REEP3: variants seen among roughly 807,000 people sequenced by gnomAD.
The protein encoded by REEP3 is receptor expression-enhancing protein 3.
REEP3 carries 20 observed loss-of-function variants against 41.3 expected under a neutral mutation model. The observed-to-expected ratio is 0.48, with a 90% CI of 0.34 to 0.70. The LOEUF is 0.70. Ranked by LOEUF, REEP3 falls within the 30% of genes least tolerant of loss-of-function variation. REEP3 has a pLI of 0.01. For missense variants in REEP3, 271 were observed against 308.8 expected, an observed-to-expected ratio of 0.88 and a Z score of 0.92; for synonymous variants, 104 against 101.8, an observed-to-expected ratio of 1.02 and a Z score of -0.13.
At chr10:63,545,431 G>A (rs531722585) in intron 1 of REEP3, among the ~76,000 whole-genome samples, 1 of 152,182 alleles carries the variant, frequency 6.6e-6, no homozygotes, top group African/African-American at 2.4e-5. Flanking sequence ...CTGGAGTGCA[G>A]TGGTGCGGTC....
intron 2 of REEP3, among the ~76,000 whole-genome samples, chr10:63,593,408 A>C (rs2893927): frequency 1 from 151,585 of 152,340 alleles, 75,419 homozygotes; most frequent in Middle Eastern, 1. Flanking sequence ...CAACCTGGAC[A>C]GAAATCCTAC....
chr10:63,603,209 A>G (rs1211909811), intron 5 of REEP3, among the ~76,000 whole-genome samples: 1 of 146,300 alleles, frequency 6.8e-6, no homozygotes, highest in African/African-American at 2.5e-5. Context: ...GCAACTCGGG[A>G]GGCTGAGGCA....
chr10:63,553,929 C>T (rs1480863363), intron 1 of REEP3, among the ~76,000 whole-genome samples: 5 of 152,016 alleles, frequency 3.3e-5, no homozygotes, highest in South Asian at 2.1e-4. Flanking sequence ...GGTAAAACCA[C>T]GTCTCTACTA....
chr10:63,544,822 T>C (rs571489878), intron 1 of REEP3, among the ~76,000 whole-genome samples: 81 of 152,296 alleles, frequency 5.3e-4, no homozygotes, highest in African/African-American at 1.8e-3. Flanking sequence ...AAAACTGCTA[T>C]TGGAAAAAAA....
chr10:63,619,617 C>T, intron 6 of REEP3, 38 bp from the exon 7 acceptor site: 1 of 1,571,520 alleles, frequency 6.4e-7, no homozygotes, highest in Non-Finnish European at 8.6e-7. Context: ...GACTGGTGTC[C>T]TTTTACCAAA....
chr10:63,574,844 T>C (rs1430092544), intron 2 of REEP3, among the ~76,000 whole-genome samples: 1 of 130,788 alleles, frequency 7.6e-6, no homozygotes, highest in Non-Finnish European at 1.6e-5. Flanking sequence ...GAGAGGTCAA[T>C]TTCTTTTTTT....
intron 5 of REEP3, among the ~76,000 whole-genome samples, chr10:63,602,793 A>G (rs1956184512): frequency 6.6e-6 from 1 of 151,966 alleles, no homozygotes; most frequent in South Asian, 2.1e-4. Flanking sequence ...TTTATCTTAC[A>G]CTTCGCCTCC....
At chr10:63,594,665 C>G (rs1209018699) in intron 2 of REEP3, 113 bp from the exon 3 acceptor site, 2 of 714,216 alleles carry the variant, frequency 2.8e-6, no homozygotes, top group Non-Finnish European at 4.9e-6. Flanking sequence ...TCCAGAAATA[C>G]ATACATAATA....
chr10:63,608,696 AT>A (rs1037139793), intron 5 of REEP3, among the ~76,000 whole-genome samples: 72 of 151,942 alleles, frequency 4.7e-4, no homozygotes, highest in African/African-American at 1.7e-3. Context: ...TAAATTTAGA[AT>A]TTTTTTTTCT....
chr10:63,529,575 A>G (rs915999268), intron 1 of REEP3, among the ~76,000 whole-genome samples: 3 of 151,894 alleles, frequency 2.0e-5, no homozygotes, highest in Non-Finnish European at 4.4e-5. Flanking sequence ...CAATCCTCCT[A>G]CCTCAGCCTC....
chr10:63,569,989 G>A (rs1306195653), intron 2 of REEP3, among the ~76,000 whole-genome samples: 1 of 151,860 alleles, frequency 6.6e-6, no homozygotes, highest in Non-Finnish European at 1.5e-5. Context: ...AAAGATTAAT[G>A]CATTTATAAA....
At chr10:63,535,042 A>G (rs1047572301) in intron 1 of REEP3, among the ~76,000 whole-genome samples, 39 of 152,136 alleles carry the variant, frequency 2.6e-4, no homozygotes, top group African/African-American at 8.7e-4. Context: ...TTCATTCTCA[A>G]TAAAAGTAGG....
chr10:63,538,120 G>T (rs1443064528), intron 1 of REEP3, among the ~76,000 whole-genome samples: 1 of 152,174 alleles, frequency 6.6e-6, no homozygotes, highest in Non-Finnish European at 1.5e-5. Context: ...CTAAGAGATA[G>T]TGTTGATATT....
intron 1 of REEP3, among the ~76,000 whole-genome samples, chr10:63,532,675 GA>G (rs1421038753): frequency 6.8e-6 from 1 of 146,614 alleles, no homozygotes; most frequent in African/African-American, 2.5e-5. Context: ...AAGAAAAGGA[GA>G]AAAAAAAATT....
At chr10:63,597,392 C>T (rs1036449271) in intron 3 of REEP3, among the ~76,000 whole-genome samples, 1 of 152,158 alleles carries the variant, frequency 6.6e-6, no homozygotes, top group Non-Finnish European at 1.5e-5. Flanking sequence ...GCCAGTTTGG[C>T]TCTGCAGATA....
intron 2 of REEP3, among the ~76,000 whole-genome samples, chr10:63,589,785 C>CTTTTTTTTTTTTTTTTTTTTTTT (rs59658061): frequency 1.2e-5 from 1 of 80,820 alleles, no homozygotes; most frequent in African/African-American, 4.7e-5. Context: ...AGCAGAACAT[C>CTTTTTTTTTTTTTTTTTTTTTTT]TTTTTTTTTT....
At chr10:63,617,241 T>G (rs1268493409) in intron 6 of REEP3, among the ~76,000 whole-genome samples, 1 of 152,196 alleles carries the variant, frequency 6.6e-6, no homozygotes, top group Non-Finnish European at 1.5e-5. Flanking sequence ...CCAAATCTCC[T>G]CTGACTTCTA....
intron 2 of REEP3, among the ~76,000 whole-genome samples, chr10:63,592,421 G>A (rs902937655): frequency 6.6e-6 from 1 of 152,166 alleles, no homozygotes; most frequent in Non-Finnish European, 1.5e-5. Flanking sequence ...CTCTTGTAAT[G>A]TATTTACAGG....
chr10:63,623,751 A>ATG lies in REEP3; in HGVS notation c.*2883_*2884insGT, dbSNP rs1956373050. ...AGATCCCCCTCACATACTTCACAAT[A>ATG]TATATGTGTGTGTGTGTGTGTGTGT... On this transcript the variant is annotated 3_prime_UTR_variant, in exon 8 of 8. Transcript: ENST00000373758. 1 of 125,756 alleles carries ATG rather than the reference A, an allele frequency of 8.0e-6. No homozygotes were observed. Among genetic ancestry groups the ATG allele is most frequent in the African/African-American group, 3.1e-5 (1 of 31,958 alleles). The allele number at this position is 125,756 out of a possible 1,614,324, so 7.8% of individuals were successfully genotyped here.
Sources: gnomAD v4.1 joint callset for allele counts (sites outside exome capture counted in the v4.1 genomes callset) on GRCh38, gnomAD v4.1.1 for gene constraint, MANE v1.5 for transcripts, NCBI Gene and HGNC (gene_info 2026-07-23, HGNC 2026-07-21) for gene names.